Variants in MAL2 observed in about 807,000 individuals in gnomAD.
MAL2 encodes the protein mal, T cell differentiation protein 2.
In MAL2, 17 loss-of-function variants were observed where a neutral mutation model predicts 18.1. The observed-to-expected ratio is 0.94, with a 90% CI of 0.64 to 1.41. The LOEUF (loss-of-function observed/expected upper bound fraction) is 1.41. MAL2 is among the 40% of genes most tolerant of loss of function. MAL2 has a pLI of 0.00. For synonymous variants in MAL2, 102 were observed against 102.3 expected (o/e 1.00, Z 0.02); for missense variants, 222 against 231.9 (o/e 0.96, Z 0.28).
In MAL2 at chr8:119,245,041, G is replaced by T. The variant is rs953768016; in HGVS notation, c.*1553G>T. ...GGCATGATCCGTGCTTAATGATCAA[G>T]TGTTACTTATCTAATAATCCTCTAG... On this transcript the variant is annotated 3_prime_UTR_variant, in exon 4 of 4. Coordinates refer to ENST00000614891, the MANE Select transcript of MAL2 (RefSeq NM_052886.3). 1 of 152,552 alleles carries T rather than the reference G, an allele frequency of 6.6e-6. No individual in the cohort carries two copies. Among genetic ancestry groups the T allele is most frequent in the African/African-American group, 2.4e-5 (1 of 41,418 alleles). The allele number at this position is 152,552 out of a possible 1,614,324, so 9.4% of individuals were successfully genotyped here.
chr8:119,237,552 A>G (rs1817935204), intron 2 of MAL2, among the ~76,000 whole-genome samples: 1 of 151,770 alleles, frequency 6.6e-6, no homozygotes, highest in African/African-American at 2.4e-5. Context: ...AAATACTGGC[A>G]AAACGAATCC....
At chr8:119,215,802 T>C (rs1817342614) in intron 1 of MAL2, among the ~76,000 whole-genome samples, 1 of 151,972 alleles carries the variant, frequency 6.6e-6, no homozygotes, top group African/African-American at 2.4e-5. Flanking sequence ...GATGATGAGC[T>C]TGGGGAGGGG....
intron 2 of MAL2, among the ~76,000 whole-genome samples, chr8:119,238,755 C>T (rs1302675419): frequency 6.6e-6 from 1 of 150,402 alleles, no homozygotes; most frequent in East Asian, 1.9e-4. Context: ...CCCTTCCTTA[C>T]ACCTTATACA....
intron 2 of MAL2, among the ~76,000 whole-genome samples, chr8:119,226,060 G>A (rs1169228127): frequency 6.6e-6 from 1 of 152,000 alleles, no homozygotes. Context: ...CTCCCATTCT[G>A]TAAAAAATTT....
chr8:119,217,952 C>T (rs1817386063), intron 1 of MAL2, among the ~76,000 whole-genome samples: 1 of 151,976 alleles, frequency 6.6e-6, no homozygotes, highest in South Asian at 2.1e-4. Context: ...AAAACTGGAG[C>T]CAAGTTTAAG....
chr8:119,235,433 A>C (rs571721804), intron 2 of MAL2, among the ~76,000 whole-genome samples: 3 of 152,218 alleles, frequency 2.0e-5, no homozygotes, highest in Non-Finnish European at 4.4e-5. Flanking sequence ...ATTCAGATTC[A>C]GGAAATACAG....
intron 2 of MAL2, among the ~76,000 whole-genome samples, chr8:119,226,958 A>C (rs1418766115): frequency 6.6e-6 from 1 of 152,162 alleles, no homozygotes; most frequent in Non-Finnish European, 1.5e-5. Flanking sequence ...CTTAACACAC[A>C]TCCCACACCT....
chr8:119,210,996 A>C (rs1817259722), intron 1 of MAL2, among the ~76,000 whole-genome samples: 1 of 152,166 alleles, frequency 6.6e-6, no homozygotes, highest in Admixed American at 6.5e-5. Context: ...CTCATCCTTT[A>C]GGACTGTTTA....
intron 2 of MAL2, among the ~76,000 whole-genome samples, chr8:119,232,901 A>G (rs1045268244): frequency 3.3e-5 from 5 of 152,158 alleles, no homozygotes; most frequent in Non-Finnish European, 2.9e-5. Context: ...AGCAGTTTTG[A>G]GTGAGTTTCT....
chr8:119,235,086 A>AGAAT (rs1056770143), intron 2 of MAL2, among the ~76,000 whole-genome samples: 3 of 152,014 alleles, frequency 2.0e-5, no homozygotes, highest in Admixed American at 1.3e-4. Flanking sequence ...ATGTATAACT[A>AGAAT]GAATAACCAA....
intron 2 of MAL2, among the ~76,000 whole-genome samples, chr8:119,232,349 AAAG>A (rs1375117621): frequency 6.6e-6 from 1 of 152,178 alleles, no homozygotes. Flanking sequence ...AACTGAAAAG[AAAG>A]AAGAAATTCT....
chr8:119,237,162 C>G (rs1274124107), intron 2 of MAL2, among the ~76,000 whole-genome samples: 1 of 152,018 alleles, frequency 6.6e-6, no homozygotes, highest in Non-Finnish European at 1.5e-5. Context: ...ACAAACACCT[C>G]TACACAAATA....
At position 119,226,409 on chromosome 8, in the gene MAL2, C is replaced by CT. The variant is rs908001364; in HGVS notation, c.303+4663dup. 3.1e-3 allele frequency among the ~76,000 whole-genome samples: 431 copies of CT among 139,930 alleles called. 4 individuals are homozygous for CT. Among genetic ancestry groups the CT allele is most frequent in the African/African-American group, 8.2e-3 (311 of 38,138 alleles). The allele number at this position is 139,930 out of a possible 152,430, so 91.8% of individuals were successfully genotyped here. On this transcript the variant is annotated intron_variant, in intron 2 of 3. Coordinates refer to ENST00000614891, the MANE Select transcript of MAL2 (RefSeq NM_052886.3). ...ATTCAATAGGGAATCCTTTCCCCCC[C>CT]TTTTTTTTTTTAACTAGTAGATGGA...
chr8:119,219,068 A>C (rs1292749167), intron 1 of MAL2, among the ~76,000 whole-genome samples: 1 of 152,188 alleles, frequency 6.6e-6, no homozygotes, highest in Non-Finnish European at 1.5e-5. Context: ...AAGGTAAATA[A>C]TATTAGGAAC....
At chr8:119,238,327 A>G (rs1404840218) in intron 2 of MAL2, among the ~76,000 whole-genome samples, 1 of 152,220 alleles carries the variant, frequency 6.6e-6, no homozygotes, top group Non-Finnish European at 1.5e-5. Context: ...GGAAGAACCA[A>G]TATCATGAAA....
rs1425869677 is a variant in MAL2, at chr8:119,234,534, A to G, written c.304-5631A>G. ...CACAGACAAACAAAAAGACAGCAGT[A>G]ACCTCTGCAGACTTAAATGTCCCTG... is the stretch of plus-strand genomic sequence containing the variant. On this transcript the variant is annotated intron_variant, in intron 2 of 3. Coordinates refer to ENST00000614891, the MANE Select transcript of MAL2 (RefSeq NM_052886.3). Among the ~76,000 whole-genome samples the G allele has an allele frequency of 2.6e-5, 4 of 152,184 alleles. No individual in the cohort carries two copies. The East Asian group carries it at 7.7e-4, about 29-fold the overall frequency.
At chr8:119,235,760 A>C (rs1817875219) in intron 2 of MAL2, among the ~76,000 whole-genome samples, 2 of 147,944 alleles carry the variant, frequency 1.4e-5, no homozygotes, top group South Asian at 4.3e-4. Context: ...TTTTGTCACC[A>C]CCAGGCCTGC....
At chr8:119,235,546 G>A (rs1817866102) in intron 2 of MAL2, among the ~76,000 whole-genome samples, 1 of 80,086 alleles carries the variant, frequency 1.2e-5, no homozygotes, top group African/African-American at 3.1e-5. Flanking sequence ...GGCAGCCAGA[G>A]AGAAAGGTCG....
At chr8:119,226,420 T>A (rs578065468) in intron 2 of MAL2, among the ~76,000 whole-genome samples, 1 of 147,436 alleles carries the variant, frequency 6.8e-6, no homozygotes, top group South Asian at 2.2e-4. Context: ...TTTTTTTTTT[T>A]AACTAGTAGA....
Sources: allele counts gnomAD v4.1 joint callset (sites outside exome capture counted in the v4.1 genomes callset), GRCh38; gene constraint gnomAD v4.1.1; transcripts MANE v1.5; gene names NCBI Gene and HGNC (gene_info 2026-07-23, HGNC 2026-07-21).